Variants in SLC22A23 observed in about 807,000 individuals in gnomAD.
SLC22A23 encodes the protein ion transporter protein.
In SLC22A23, 26 loss-of-function variants were observed where a neutral mutation model predicts 61.0. The observed-to-expected ratio is 0.43, with a 90% CI of 0.31 to 0.59. SLC22A23 has a LOEUF of 0.59. Among genes scored for constraint, SLC22A23 ranks in the 20% least tolerant of loss-of-function variants. The probability of loss-of-function intolerance (pLI) is 0.11; values close to 1 mark genes in which losing one functional copy is unlikely to be tolerated. For missense variants in SLC22A23, 796 were observed against 934.7 expected, an observed-to-expected ratio of 0.85 and a Z score of 1.94; for synonymous variants, 430 against 413.9, an observed-to-expected ratio of 1.04 and a Z score of -0.47.
intron 5 of SLC22A23, among the ~76,000 whole-genome samples, chr6:3,294,844 GAA>G (rs1308668969): frequency 2.0e-5 from 3 of 152,184 alleles, no homozygotes; most frequent in Non-Finnish European, 4.4e-5. Flanking sequence ...CTTTAAAAGA[GAA>G]AAGGAAATAA....
intron 1 of SLC22A23, among the ~76,000 whole-genome samples, chr6:3,436,107 C>A (rs1581887662): frequency 6.6e-6 from 1 of 152,114 alleles, no homozygotes; most frequent in East Asian, 1.9e-4. Context: ...CTAGAAAGAA[C>A]TGGAGATTGC....
In SLC22A23 at chr6:3,309,044, G is replaced by A. The variant is rs566187039; in HGVS notation, c.1083-10826C>T. Among the ~76,000 whole-genome samples, 5 of 151,906 alleles carry A rather than the reference G, an allele frequency of 3.3e-5. No homozygotes were observed. Among genetic ancestry groups the A allele is most frequent in the African/African-American group, 1.2e-4 (5 of 41,430 alleles). ...TTCAATTAATCTTAAAAAGAGCCGAGGGCTGGGCGCTTTGGGAGGCTGAGG... is the reference window on the plus strand; with the variant it reads ...TTCAATTAATCTTAAAAAGAGCCGAAGGCTGGGCGCTTTGGGAGGCTGAGG... On this transcript the variant is annotated intron_variant, in intron 4 of 9. Transcript: ENST00000406686. The surrounding 1 kb of genome is among the most constrained non-coding windows in gnomAD (Gnocchi z 4.7).
At chr6:3,362,707 GA>G (rs1215336760) in intron 3 of SLC22A23, among the ~76,000 whole-genome samples, 1 of 152,132 alleles carries the variant, frequency 6.6e-6, no homozygotes, top group Non-Finnish European at 1.5e-5. Flanking sequence ...TACACAGAGT[GA>G]GGATGGGAGA....
In SLC22A23 at chr6:3,454,062, G is replaced by C. The variant is rs1420726695; in HGVS notation, c.654+1844C>G. On this transcript the variant is annotated intron_variant, in intron 1 of 9. Coordinates refer to ENST00000406686, the MANE Select transcript of SLC22A23 (RefSeq NM_015482.2). This position sits in a 1 kb window ranked among gnomAD's most constrained non-coding sequence, Gnocchi z 4.3. ...CTTTATTTAGATCTTTTTTGTCTGT[G>C]AAAATCAATATGTCCTTTCTAGGCT... Among the ~76,000 whole-genome samples the C allele has an allele frequency of 2.0e-5, 3 of 152,156 alleles. No individual in the cohort carries two copies. The highest frequency in any genetic ancestry group is 7.2e-5 in the African/African-American group (3 of 41,426).
chr6:3,376,854 C>T (rs912222696), intron 3 of SLC22A23, among the ~76,000 whole-genome samples: 2 of 151,940 alleles, frequency 1.3e-5, no homozygotes, highest in African/African-American at 4.8e-5. Flanking sequence ...GGAAGAAGAT[C>T]TTTCAAGAAA....
chr6:3,337,915 A>C (rs1763947916), intron 3 of SLC22A23, among the ~76,000 whole-genome samples: 1 of 152,202 alleles, frequency 6.6e-6, no homozygotes, highest in South Asian at 2.1e-4. Context: ...GATGCAGGAA[A>C]AGCTCTCTAC....
At chr6:3,448,265 G>A (rs767120496) in intron 1 of SLC22A23, among the ~76,000 whole-genome samples, 34 of 151,986 alleles carry the variant, frequency 2.2e-4, no homozygotes, top group Non-Finnish European at 4.3e-4. Context: ...TTAACAACCG[G>A]CTCTATGAAG....
intron 1 of SLC22A23, among the ~76,000 whole-genome samples, chr6:3,438,014 A>G (rs1771338457): frequency 6.6e-6 from 1 of 151,632 alleles, no homozygotes; most frequent in Non-Finnish European, 1.5e-5. Flanking sequence ...CTTGCATTTC[A>G]CTCCCTCTAG....
At position 3,330,414 on chromosome 6, in the gene SLC22A23, G is replaced by C. The variant is rs144954163; in HGVS notation, c.914-6412C>G. 1.3e-3 allele frequency among the ~76,000 whole-genome samples: 204 copies of C among 152,200 alleles called. 2 individuals are homozygous for C. Among genetic ancestry groups the C allele is most frequent in the African/African-American group, 4.7e-3 (194 of 41,518 alleles). ...CTGCGCCCCTCCCTGGCAAAGTGGA[G>C]AACTGCAGGGAGCTTCCTCTTACTC... On this transcript the variant is annotated intron_variant, in intron 3 of 9. Transcript: ENST00000406686. The surrounding 1 kb of genome is among the most constrained non-coding windows in gnomAD (Gnocchi z 4.7).
intron 3 of SLC22A23, among the ~76,000 whole-genome samples, chr6:3,356,560 A>G (rs1418746057): frequency 6.6e-6 from 1 of 152,118 alleles, no homozygotes; most frequent in Non-Finnish European, 1.5e-5. Context: ...GCAAATCTTC[A>G]GCCCCAGAGA....
At chr6:3,358,456 G>A (rs57071919) in intron 3 of SLC22A23, among the ~76,000 whole-genome samples, 12,203 of 152,208 alleles carry the variant, frequency 0.08, 637 homozygotes, top group African/African-American at 0.15. Context: ...TATGTTAAGT[G>A]AAATAAGCCA....
At chr6:3,315,594 G>A (rs1315912740) in intron 4 of SLC22A23, among the ~76,000 whole-genome samples, 1 of 152,140 alleles carries the variant, frequency 6.6e-6, no homozygotes, top group Non-Finnish European at 1.5e-5. Context: ...GGCTGGGCAT[G>A]GTGGCTCACA....
rs189885363 is a variant in SLC22A23, at chr6:3,289,081, C to T, written c.1313+683G>A. Among the ~76,000 whole-genome samples, 218 of 152,366 alleles carry T rather than the reference C, an allele frequency of 1.4e-3. 3 individuals carry two copies. The highest frequency in any genetic ancestry group is 4.8e-3 in the African/African-American group (199 of 41,600). ...CTAACCCAAATGAGTCAAATCCCTT[C>T]CCTCCGCCACCTTGGTGACCTCTGA... On this transcript the variant is annotated intron_variant, in intron 6 of 9. Coordinates refer to ENST00000406686, the MANE Select transcript of SLC22A23 (RefSeq NM_015482.2).
intron 3 of SLC22A23, among the ~76,000 whole-genome samples, chr6:3,326,213 G>A (rs982568741): frequency 6.6e-6 from 1 of 152,206 alleles, no homozygotes; most frequent in Non-Finnish European, 1.5e-5. Context: ...ATCTCTTAGT[G>A]TGACTGTCAA....
chr6:3,302,156 C>T lies in SLC22A23; in HGVS notation c.1083-3938G>A, dbSNP rs550576045. 5.3e-5 allele frequency among the ~76,000 whole-genome samples: 8 copies of T among 152,260 alleles called. No homozygotes were observed. In the South Asian group the frequency reaches 1.7e-3, roughly 32 times the overall value. On this transcript the variant is annotated intron_variant, in intron 4 of 9. Transcript: ENST00000406686. ...TCAGCCTTTCTATTTCCTCTTGGCT[C>T]AATCATGGTAGGTTGTATGTGTCAG...
At chr6:3,299,583 A>C (rs1327771009) in intron 4 of SLC22A23, among the ~76,000 whole-genome samples, 1 of 152,252 alleles carries the variant, frequency 6.6e-6, no homozygotes. Context: ...TTAATTTTAT[A>C]AATTTACATT....
intron 1 of SLC22A23, among the ~76,000 whole-genome samples, chr6:3,420,232 GAA>G (rs34794008): frequency 3.8e-3 from 392 of 102,702 alleles, no homozygotes; most frequent in African/African-American, 5.5e-3. Flanking sequence ...AGCAAAATGA[GAA>G]AAAAAAAAAA....
intron 1 of SLC22A23, among the ~76,000 whole-genome samples, chr6:3,440,190 T>C (rs1339761262): frequency 2.6e-5 from 4 of 152,148 alleles, no homozygotes; most frequent in African/African-American, 9.7e-5. Flanking sequence ...CAGGGAACTA[T>C]CCCGGGTGCA....
intron 3 of SLC22A23, among the ~76,000 whole-genome samples, chr6:3,401,735 T>C (rs986393024): frequency 6.6e-6 from 1 of 152,204 alleles, no homozygotes; most frequent in African/African-American, 2.4e-5. Context: ...CCACTGGTTC[T>C]TCTACCTCCA....
Sources: allele counts gnomAD v4.1 joint callset (sites outside exome capture counted in the v4.1 genomes callset), GRCh38; gene constraint gnomAD v4.1.1; non-coding constraint Gnocchi (gnomAD v3.1); transcripts MANE v1.5; gene names NCBI Gene and HGNC (gene_info 2026-07-23, HGNC 2026-07-21).